Variants in RAP1GAP2 observed in about 807,000 individuals in gnomAD.
The protein encoded by RAP1GAP2 is rap1 GTPase-activating protein 2.
In RAP1GAP2, 27 loss-of-function variants were observed where a neutral mutation model predicts 95.0. The ratio of observed to expected loss-of-function variants is 0.28; its 90% CI spans 0.21 to 0.39. The LOEUF (loss-of-function observed/expected upper bound fraction) is 0.39. Among genes scored for constraint, RAP1GAP2 ranks in the 10% least tolerant of loss-of-function variants. The pLI is 1.00. For missense variants in RAP1GAP2, 771 were observed against 970.0 expected (o/e 0.79, Z 2.72); for synonymous variants, 373 against 380.9 (o/e 0.98, Z 0.24).
At chr17:2,924,216 G>A (rs1388832602) in intron 3 of RAP1GAP2, among the ~76,000 whole-genome samples, 1 of 152,232 alleles carries the variant, frequency 6.6e-6, no homozygotes, top group African/African-American at 2.4e-5. Context: ...AACTTTGAGA[G>A]TGCTCCTTTT....
chr17:2,842,727 T>G (rs1187610106), intron 2 of RAP1GAP2, among the ~76,000 whole-genome samples: 2 of 152,084 alleles, frequency 1.3e-5, no homozygotes, highest in East Asian at 3.9e-4. Context: ...GTGAGCATCC[T>G]TTAGACGCCC....
intron 1 of RAP1GAP2, among the ~76,000 whole-genome samples, chr17:2,768,248 A>G (rs2068314157): frequency 6.6e-6 from 1 of 152,208 alleles, no homozygotes; most frequent in Non-Finnish European, 1.5e-5. Flanking sequence ...TGTCCTTCAG[A>G]GCGGTTGTAC....
Position 2,978,497 on chromosome 17 carries a change from C to T in RAP1GAP2, c.597-1790C>T, listed in dbSNP as rs531255647. Among the ~76,000 whole-genome samples, 33 of 152,270 alleles carry T rather than the reference C, an allele frequency of 2.2e-4. No individual in the cohort carries two copies. In the South Asian group the frequency reaches 6.0e-3, roughly 28 times the overall value. On this transcript the variant is annotated intron_variant, in intron 8 of 24. Coordinates refer to ENST00000254695, the MANE Select transcript of RAP1GAP2 (RefSeq NM_015085.5). Reference sequence around the variant, plus strand: ...AGAGTGGGATGGTGGAAGATTTCATCATGCTATTCAGGACGGCACAAAATT... The same window carrying T: ...AGAGTGGGATGGTGGAAGATTTCATTATGCTATTCAGGACGGCACAAAATT...
chr17:2,800,637 A>C, intron 2 of RAP1GAP2, 87 bp downstream of exon 2: 1 of 1,387,426 alleles, frequency 7.2e-7, no homozygotes, highest in Non-Finnish European at 1.0e-6. Flanking sequence ...TGTGGGAGAC[A>C]CAAGAGGGGC....
intron 3 of RAP1GAP2, among the ~76,000 whole-genome samples, chr17:2,933,959 TG>T (rs1264055044): frequency 6.6e-6 from 1 of 152,250 alleles, no homozygotes; most frequent in Non-Finnish European, 1.5e-5. Flanking sequence ...GAGCCCCAGT[TG>T]TTTCTTGGAA....
chr17:2,907,080 A>G (rs1220597437), intron 3 of RAP1GAP2, among the ~76,000 whole-genome samples: 1 of 130,576 alleles, frequency 7.7e-6, no homozygotes, highest in Non-Finnish European at 1.6e-5. Context: ...AACCCCAGTG[A>G]AAAGAAAAGT....
chr17:2,985,521 G>T (rs2045526179), intron 11 of RAP1GAP2, among the ~76,000 whole-genome samples: 1 of 152,146 alleles, frequency 6.6e-6, no homozygotes, highest in Admixed American at 6.5e-5. Flanking sequence ...CATCATGTTG[G>T]CAGCTTGAAG....
upstream of RAP1GAP2, among the ~76,000 whole-genome samples, chr17:2,793,520 G>A (rs759580017): frequency 2.6e-5 from 4 of 152,234 alleles, no homozygotes; most frequent in Admixed American, 6.5e-5. Context: ...GAGGCTGTGG[G>A]CTGTACCTGG....
At chr17:2,971,102 A>T (rs1473086266) in intron 8 of RAP1GAP2, among the ~76,000 whole-genome samples, 1 of 152,244 alleles carries the variant, frequency 6.6e-6, no homozygotes, top group African/African-American at 2.4e-5. Context: ...ACTTGTAGGT[A>T]ATTATCGATA....
At chr17:2,884,399 A>G (rs1462007689) in intron 2 of RAP1GAP2, among the ~76,000 whole-genome samples, 3 of 145,654 alleles carry the variant, frequency 2.1e-5, no homozygotes, top group Admixed American at 6.8e-5. Flanking sequence ...TTGAGACAGA[A>G]TCTCGCTCTG....
intron 14 of RAP1GAP2, among the ~76,000 whole-genome samples, chr17:2,999,644 C>A (rs909304443): frequency 1.3e-5 from 2 of 152,176 alleles, no homozygotes; most frequent in Middle Eastern, 3.4e-3. Flanking sequence ...TGATGTGAAT[C>A]GTCAGAAGAA....
At chr17:2,991,232 A>T (rs529836620) in intron 11 of RAP1GAP2, 65 bp from the exon 12 acceptor site, 1 of 1,313,460 alleles carries the variant, frequency 7.6e-7, no homozygotes, top group Admixed American at 2.0e-5. Context: ...GGGCATCCAT[A>T]TTCCTTCCTT....
Position 2,980,307 on chromosome 17 carries a change from A to T in RAP1GAP2, c.617A>T (p.His206Leu). The change falls in exon 9 of 25, where the codon CAT (histidine) becomes CTT (leucine). Residue 206 changes from histidine to leucine, a missense_variant. Coordinates refer to ENST00000254695, the MANE Select transcript of RAP1GAP2 (RefSeq NM_015085.5). ...VILRSKLKTV[H>L]ERIPLAGLSK... ...TGCAGGTCCAAACTGAAGACGGTAC[A>T]TGAGCGGATCCCCTTGGCTGGACTG... is the stretch of plus-strand genomic sequence containing the variant. 3 of 1,613,844 alleles carry T rather than the reference A, an allele frequency of 1.9e-6. No homozygotes were observed. The highest frequency in any genetic ancestry group is 2.5e-6 in the Non-Finnish European group (3 of 1,179,844).
intron 2 of RAP1GAP2, among the ~76,000 whole-genome samples, chr17:2,806,376 T>TTTATTATTATTATTATTATTA (rs4060867): frequency 0.054 from 7,571 of 139,862 alleles, 329 homozygotes; most frequent in East Asian, 0.18. Context: ...CTACAACCTT[T>TTTATTATTATTATTATTATTA]TTATTATTAT....
intron 19 of RAP1GAP2, among the ~76,000 whole-genome samples, chr17:3,021,853 A>T (rs574269726): frequency 2.0e-5 from 3 of 152,370 alleles, no homozygotes; most frequent in African/African-American, 7.2e-5. Flanking sequence ...TCCATTGTGT[A>T]TATAAAAAAG....
rs113673504 is a variant in RAP1GAP2 at position 2,805,600 on chromosome 17, C to T, written c.80+5050C>T. Among the ~76,000 whole-genome samples, 1,148 of 151,912 alleles carry T rather than the reference C, an allele frequency of 7.6e-3. 10 individuals are homozygous for T. Among genetic ancestry groups the T allele is most frequent in the Non-Finnish European group, 0.011 (778 of 67,932 alleles). On this transcript the variant is annotated intron_variant, in intron 2 of 24. Coordinates refer to ENST00000254695, the MANE Select transcript of RAP1GAP2 (RefSeq NM_015085.5). Reference sequence around the variant, plus strand: ...GTTGGCCAGGCTGATCTCGAACTCCCGACCTCAGGTGATCCACCCACCTCA... The same window carrying T: ...GTTGGCCAGGCTGATCTCGAACTCCTGACCTCAGGTGATCCACCCACCTCA...
intron 3 of RAP1GAP2, among the ~76,000 whole-genome samples, chr17:2,940,637 G>A (rs984111006): frequency 6.6e-6 from 1 of 152,172 alleles, no homozygotes; most frequent in Non-Finnish European, 1.5e-5. Context: ...AGTGTGAGCC[G>A]TGGTCCTCTG....
In RAP1GAP2 at chr17:2,800,508, T is replaced by A. The variant is rs2069240789; in HGVS notation, c.45-7T>A. ...ACTGACCGGAGCCCTTGCTTTTCTC[T>A]TGGCAGGATCGACAAGACCATGCTG... On this transcript the variant is annotated splice_polypyrimidine_tract_variant and splice_region_variant and intron_variant, in intron 1 of 24. Transcript: ENST00000254695. The A allele has an allele frequency of 6.2e-7, 1 of 1,612,326 alleles. No homozygotes were observed. Among genetic ancestry groups the A allele is most frequent in the African/African-American group, 1.3e-5 (1 of 75,010 alleles).
At chr17:2,957,892 T>C in intron 4 of RAP1GAP2, 98 bp downstream of exon 4, 1 of 1,258,660 alleles carries the variant, frequency 7.9e-7, no homozygotes, top group Non-Finnish European at 1.1e-6. Context: ...CCGGGTGCCC[T>C]GGACGGGGGT....
Sources: allele counts gnomAD v4.1 joint callset (sites outside exome capture counted in the v4.1 genomes callset), GRCh38; gene constraint gnomAD v4.1.1; transcripts MANE v1.5; gene names NCBI Gene and HGNC (gene_info 2026-07-23, HGNC 2026-07-21).